TENM2: variants seen among roughly 807,000 people sequenced by gnomAD.
TENM2 encodes teneurin transmembrane protein 2, also known as teneurin-2.
A neutral mutation model predicts 245.2 loss-of-function variants in TENM2; 52 were observed. The ratio of observed to expected loss-of-function variants is 0.21; its 90% CI spans 0.17 to 0.27. TENM2 has a LOEUF of 0.27. Ranked by LOEUF, TENM2 falls within the 10% of genes least tolerant of loss-of-function variation. TENM2 has a pLI of 1.00. For missense variants in TENM2, 3,046 were observed against 3,666.8 expected (o/e 0.83, Z 4.37); for synonymous variants, 1,363 against 1,438.9 (o/e 0.95, Z 1.19).
At chr5:167,562,443 G>A (rs1399611084) in intron 2 of TENM2, among the ~76,000 whole-genome samples, 1 of 152,126 alleles carries the variant, frequency 6.6e-6, no homozygotes, top group Non-Finnish European at 1.5e-5. Context: ...TTTCAGATAA[G>A]ATTTGCACAA....
At chr5:167,113,193 AG>A in the TENM2 span, among the ~76,000 whole-genome samples, 19 of 152,278 alleles carry the variant, frequency 1.2e-4, no homozygotes, top group African/African-American at 4.6e-4. Flanking sequence ...TAATTACCAA[AG>A]AGGTGAGTTT....
At chr5:168,142,052 T>G (rs1755597326) in intron 12 of TENM2, among the ~76,000 whole-genome samples, 1 of 151,752 alleles carries the variant, frequency 6.6e-6, no homozygotes, top group East Asian at 1.9e-4. Context: ...ACCGAAAGAG[T>G]TCAGGTTGCA....
At chr5:168,219,097 CGTT>C in intron 23 of TENM2, 98 bp downstream of exon 25, 1 of 1,227,360 alleles carries the variant, frequency 8.1e-7, no homozygotes, top group Admixed American at 2.3e-5. Context: ...TGCTTTGTCA[CGTT>C]GTCTTTCTAA....
At chr5:167,681,574 G>A (rs1301656466) in intron 2 of TENM2, among the ~76,000 whole-genome samples, 1 of 152,004 alleles carries the variant, frequency 6.6e-6, no homozygotes, top group Non-Finnish European at 1.5e-5. Flanking sequence ...GTGTGCTTGT[G>A]TGTGTATGTA....
intron 2 of TENM2, among the ~76,000 whole-genome samples, chr5:167,780,154 C>T (rs969488527): frequency 6.6e-6 from 1 of 152,214 alleles, no homozygotes. Context: ...TACACTCTAT[C>T]AGCTCTTCTT....
intron 5 of TENM2, among the ~76,000 whole-genome samples, chr5:168,019,613 G>A (rs1433821693): frequency 6.6e-6 from 1 of 152,028 alleles, no homozygotes; most frequent in Non-Finnish European, 1.5e-5. Flanking sequence ...CAGCCCCTGG[G>A]AAAAAGGGGT....
chr5:168,032,341 A>G (rs986882912), intron 5 of TENM2, among the ~76,000 whole-genome samples: 1 of 152,240 alleles, frequency 6.6e-6, no homozygotes, highest in Non-Finnish European at 1.5e-5. Flanking sequence ...AGAGTTTGCC[A>G]TATCTGGAGT....
rs568772072 is a variant in TENM2, at chr5:168,218,427, T to C, written c.4536T>C (p.Leu1512=). The C allele has an allele frequency of 3.2e-4, 519 of 1,614,008 alleles. 4 individuals carry two copies. Among genetic ancestry groups the C allele is most frequent in the Non-Finnish European group, 1.6e-5 (19 of 1,179,884 alleles). ...TAACAACCAACGGGGAGATCTGCCT[T>C]TTAGCTGGGGCAGCCTCGGACTGCG... Residue 1512 remains leucine, a synonymous_variant, in exon 23 of 29, where the codon CTT becomes CTC. Transcript: ENST00000518659. This position sits in a 1 kb window ranked among gnomAD's most constrained non-coding sequence, Gnocchi z 5.2.
At chr5:168,235,974 C>T (rs1016055364) in intron 25 of TENM2, among the ~76,000 whole-genome samples, 3 of 152,132 alleles carry the variant, frequency 2.0e-5, no homozygotes, top group Non-Finnish European at 4.4e-5. Flanking sequence ...GGGGAAAAGC[C>T]TCTATGCTAA....
intron 2 of TENM2, among the ~76,000 whole-genome samples, chr5:167,507,218 C>G (rs1769615835): frequency 6.6e-6 from 1 of 152,064 alleles, no homozygotes; most frequent in Non-Finnish European, 1.5e-5. Context: ...ATTTTAAATG[C>G]AATCTTATTT....
the TENM2 span, among the ~76,000 whole-genome samples, chr5:166,989,630 G>A: frequency 6.6e-6 from 1 of 151,480 alleles, no homozygotes; most frequent in South Asian, 2.1e-4. Flanking sequence ...GACCTCACGT[G>A]ATTCTTCCGC....
chr5:167,384,721 C>G lies in TENM2; in HGVS notation c.502+9248C>G, dbSNP rs537150576. ...ACGCGTGCGCGCACACACGCACACA[C>G]ACACACACGTTTGGATGGAAAGTAA... On this transcript the variant is annotated intron_variant, in intron 2 of 28. Transcript: ENST00000518659. Among the ~76,000 whole-genome samples, 30 of 152,334 alleles carry G rather than the reference C, an allele frequency of 2.0e-4. No homozygotes were observed. In the East Asian group the frequency reaches 5.6e-3, roughly 28 times the overall value.
chr5:167,108,762 A>G, the TENM2 span, among the ~76,000 whole-genome samples: 187 of 152,342 alleles, frequency 1.2e-3, no homozygotes, highest in Non-Finnish European at 2.2e-3. Context: ...GCATAGCTCT[A>G]CAATACTGTA....
intron 12 of TENM2, among the ~76,000 whole-genome samples, chr5:168,159,925 A>G (rs1757590909): frequency 6.6e-6 from 1 of 152,190 alleles, no homozygotes; most frequent in Non-Finnish European, 1.5e-5. Flanking sequence ...TCTCTGACTG[A>G]CACGCTAGTG....
chr5:167,782,945 A>G (rs532735874), intron 2 of TENM2, among the ~76,000 whole-genome samples: 14 of 152,314 alleles, frequency 9.2e-5, no homozygotes, highest in East Asian at 5.8e-4. Flanking sequence ...AAAGTCCCCA[A>G]TCTAGAAGCA....
At chr5:167,025,648 A>G in the TENM2 span, among the ~76,000 whole-genome samples, 8 of 152,190 alleles carry the variant, frequency 5.3e-5, no homozygotes, top group African/African-American at 1.9e-4. Flanking sequence ...AATAAAAAAC[A>G]AAAACAGAAC....
chr5:167,475,376 A>G (rs951724792), intron 2 of TENM2, among the ~76,000 whole-genome samples: 2 of 152,172 alleles, frequency 1.3e-5, no homozygotes, highest in Non-Finnish European at 2.9e-5. Context: ...TAAAACTGAG[A>G]AATCATGAAA....
At chr5:168,136,174 A>G (rs1247913558) in intron 12 of TENM2, among the ~76,000 whole-genome samples, 1 of 152,202 alleles carries the variant, frequency 6.6e-6, no homozygotes, top group Non-Finnish European at 1.5e-5. Flanking sequence ...CACGTACTCC[A>G]GCCCTTCATG....
chr5:167,524,363 G>A (rs1770967118), intron 2 of TENM2, among the ~76,000 whole-genome samples: 1 of 152,144 alleles, frequency 6.6e-6, no homozygotes, highest in Middle Eastern at 3.2e-3. Flanking sequence ...CATGTGAAGT[G>A]TTCAGAAGAG....
Sources: allele counts gnomAD v4.1 joint callset (sites outside exome capture counted in the v4.1 genomes callset), GRCh38; gene constraint gnomAD v4.1.1; non-coding constraint Gnocchi (gnomAD v3.1); transcripts MANE v1.5; gene names NCBI Gene and HGNC (gene_info 2026-07-23, HGNC 2026-07-21).